Variants in THBS4 observed in about 807,000 individuals in gnomAD.
THBS4 encodes thrombospondin 4.
In THBS4, 90 loss-of-function variants were observed where a neutral mutation model predicts 115.7. The ratio of observed to expected loss-of-function variants is 0.78; its 90% CI spans 0.66 to 0.93. The LOEUF (loss-of-function observed/expected upper bound fraction) is 0.93. THBS4 is among the 40% of genes least tolerant of loss of function. The pLI is 0.00. For missense variants in THBS4, 1,087 were observed against 1,232.7 expected (o/e 0.88, Z 1.77); for synonymous variants, 460 against 479.3 (o/e 0.96, Z 0.53).
At chr5:80,074,052 C>T (rs1051697088) in intron 15 of THBS4, among the ~76,000 whole-genome samples, 1 of 152,060 alleles carries the variant, frequency 6.6e-6, no homozygotes, top group Non-Finnish European at 1.5e-5. Flanking sequence ...CTCATAGGAC[C>T]ATCGTGAAGA....
chr5:80,005,637 G>A (rs768906646), intron 2 of THBS4, among the ~76,000 whole-genome samples: 32 of 151,944 alleles, frequency 2.1e-4, no homozygotes, highest in Non-Finnish European at 4.1e-4. Context: ...GTCCTGTTTT[G>A]TATAAAGGGG....
intron 15 of THBS4, among the ~76,000 whole-genome samples, chr5:80,076,535 C>T (rs1423260122): frequency 1.3e-5 from 2 of 152,188 alleles, no homozygotes; most frequent in Non-Finnish European, 2.9e-5. Flanking sequence ...CATTGTTCCC[C>T]TCACACATCC....
At chr5:80,014,862 T>G (rs924876112) in intron 2 of THBS4, among the ~76,000 whole-genome samples, 11 of 152,236 alleles carry the variant, frequency 7.2e-5, no homozygotes, top group Non-Finnish European at 1.2e-4. Context: ...CAGGTGTTAA[T>G]CCAAGTCTGT....
At chr5:80,031,608 G>A (rs1241193235), upstream of THBS4, among the ~76,000 whole-genome samples, 3 of 152,200 alleles carry the variant, frequency 2.0e-5, no homozygotes, top group Non-Finnish European at 4.4e-5. Flanking sequence ...GGCTGGCTTT[G>A]CCAGGGGTGG....
At chr5:80,027,894 C>CA (rs1159986888) in intron 2 of THBS4, among the ~76,000 whole-genome samples, 4,125 of 46,036 alleles carry the variant, frequency 0.09, 140 homozygotes, top group African/African-American at 0.13. Flanking sequence ...ACCCTGTCTC[C>CA]AAAAAAAAAA....
chr5:80,078,967 T>G lies in THBS4; in HGVS notation c.2312T>G (p.Val771Gly). 2.5e-6 allele frequency: 4 copies of G among 1,614,120 alleles called. No individual in the cohort carries two copies. The South Asian group carries it at 4.4e-5, about 18-fold the overall frequency. Residue 771 changes from valine (V) to glycine (G), a missense_variant and splice_region_variant, in exon 18 of 22, where the codon GTG becomes GGG. Physicochemically the swap from Val to Gly is moderately radical, Grantham distance 109 (BLOSUM62 -3). Transcript: ENST00000350881. ...ATGAACAGTGATCCTGGCCTGGCAG[T>G]GGGTATGTCCAGGGCCTCAGTTGCC... ...QTMNSDPGLA[V>G]GYTAFNGVDF...
chr5:80,012,154 GTAAAAA>G (rs1832140286), intron 2 of THBS4, among the ~76,000 whole-genome samples: 1 of 150,762 alleles, frequency 6.6e-6, no homozygotes, highest in Non-Finnish European at 1.5e-5. Flanking sequence ...AAATTTAAAA[GTAAAAA>G]TAAAAATAAA....
chr5:80,060,709 T>C (rs1233177540), intron 7 of THBS4, among the ~76,000 whole-genome samples: 1 of 152,038 alleles, frequency 6.6e-6, no homozygotes, highest in Non-Finnish European at 1.5e-5. Flanking sequence ...CAGTGAGCCA[T>C]GATGGCACCA....
chr5:79,991,566 A>G (rs1437551921), intron 1 of THBS4, among the ~76,000 whole-genome samples: 1 of 152,204 alleles, frequency 6.6e-6, no homozygotes, highest in Non-Finnish European at 1.5e-5. Context: ...AGTATTTACA[A>G]GATTGTGGTA....
At chr5:80,034,058 T>G (rs775398693), upstream of THBS4, among the ~76,000 whole-genome samples, 2 of 152,178 alleles carry the variant, frequency 1.3e-5, no homozygotes, top group Non-Finnish European at 2.9e-5. Context: ...CCTGGGAACA[T>G]GGTCTGGAGA....
Position 80,041,075 on chromosome 5 carries a change from C to T in THBS4, c.292+795C>T, listed in dbSNP as rs148833340. ...ATGCCTCCCACAAGGCCCTACCTCC[C>T]AACACCGCCACATTGGGGACCAAAT... On this transcript the variant is annotated intron_variant, in intron 2 of 21. Transcript: ENST00000350881. Among the ~76,000 whole-genome samples the T allele has an allele frequency of 3.0e-3, 451 of 152,316 alleles. 5 individuals are homozygous for T. The highest frequency in any genetic ancestry group is 0.01 in the African/African-American group (433 of 41,566).
chr5:80,027,400 T>C (rs752168461), intron 2 of THBS4, among the ~76,000 whole-genome samples: 9 of 152,092 alleles, frequency 5.9e-5, no homozygotes, highest in Non-Finnish European at 1.3e-4. Context: ...AATCCAGGAA[T>C]TGGTCCACAG....
chr5:80,064,196 C>A (rs1833732476), intron 8 of THBS4, among the ~76,000 whole-genome samples: 1 of 152,226 alleles, frequency 6.6e-6, no homozygotes, highest in South Asian at 2.1e-4. Flanking sequence ...CAAATCAAAG[C>A]ACCACACTTG....
intron 17 of THBS4, among the ~76,000 whole-genome samples, 195 bp downstream of exon 17, chr5:80,078,422 T>A (rs962426642): frequency 2.0e-5 from 3 of 152,210 alleles, no homozygotes; most frequent in Non-Finnish European, 2.9e-5. Flanking sequence ...TGCTACAGCT[T>A]TCATGATTGT....
At chr5:80,030,596 T>C (rs1314635184), upstream of THBS4, among the ~76,000 whole-genome samples, 1 of 152,190 alleles carries the variant, frequency 6.6e-6, no homozygotes, top group Non-Finnish European at 1.5e-5. Flanking sequence ...CTCGAACTCC[T>C]GACCTTGTGA....
intron 2 of THBS4, among the ~76,000 whole-genome samples, chr5:79,999,469 A>G (rs1831856328): frequency 6.6e-6 from 1 of 152,198 alleles, no homozygotes; most frequent in Admixed American, 6.5e-5. Flanking sequence ...TATGGATATG[A>G]TCCCATTTTC....
At chr5:80,009,703 ACTT>A (rs1346297609) in intron 2 of THBS4, among the ~76,000 whole-genome samples, 1 of 152,310 alleles carries the variant, frequency 6.6e-6, no homozygotes, top group East Asian at 1.9e-4. Context: ...GAATACATGA[ACTT>A]CTTATTCTGC....
rs1832706003 is a variant in THBS4 at position 80,035,931 on chromosome 5, C to T, written c.88+306C>T. ...TGCTACACGGTCCTAGACCTCTTAA[C>T]ATGTTAGGCTCTGGTGTAGGGTGAA... On this transcript the variant is annotated intron_variant, in intron 1 of 21. Transcript: ENST00000350881. The surrounding 1 kb of genome is among the most constrained non-coding windows in gnomAD (Gnocchi z 4.6). The T allele has an allele frequency of 9.7e-7, 1 of 1,034,280 alleles. No homozygotes were observed. Among genetic ancestry groups the T allele is most frequent in the Non-Finnish European group, 1.2e-6 (1 of 845,308 alleles). 64.1% of individuals were successfully genotyped at this position (1,034,280 alleles called of 1,614,324 possible).
chr5:80,039,973 A>AT, intron 1 of THBS4, 104 bp from the exon 2 acceptor site: 1 of 989,714 alleles, frequency 1.0e-6, no homozygotes. Flanking sequence ...AGTTTACATT[A>AT]CTTTGTAGCT....
Sources: allele counts gnomAD v4.1 joint callset (sites outside exome capture counted in the v4.1 genomes callset), GRCh38; gene constraint gnomAD v4.1.1; non-coding constraint Gnocchi (gnomAD v3.1); transcripts MANE v1.5; gene names NCBI Gene and HGNC (gene_info 2026-07-23, HGNC 2026-07-21).